Variants in SNTG1 observed in about 807,000 individuals in gnomAD.
The protein encoded by SNTG1 is syntrophin gamma 1, also known as gamma-1-syntrophin.
A neutral mutation model predicts 74.7 loss-of-function variants in SNTG1; 39 were observed. The ratio of observed to expected loss-of-function variants is 0.52; its 90% CI spans 0.40 to 0.68. The LOEUF (loss-of-function observed/expected upper bound fraction) is 0.68, where lower values mean the gene tolerates loss of function less well. Ranked by LOEUF, SNTG1 falls within the 30% of genes least tolerant of loss-of-function variation. The pLI, the probability that SNTG1 is intolerant of heterozygous loss-of-function variation, is 0.00. For synonymous variants in SNTG1, 254 were observed against 217.1 expected (o/e 1.17, Z -1.49); for missense variants, 685 against 609.5 (o/e 1.12, Z -1.30).
intron 8 of SNTG1, among the ~76,000 whole-genome samples, chr8:50,496,220 CATT>C (rs1030853344): frequency 3.3e-5 from 5 of 152,246 alleles, no homozygotes; most frequent in African/African-American, 1.2e-4. Flanking sequence ...CGTTTTCCAT[CATT>C]GTTACTGGCG....
intron 1 of SNTG1, among the ~76,000 whole-genome samples, chr8:50,140,756 T>C (rs761177001): frequency 6.6e-6 from 1 of 152,218 alleles, no homozygotes; most frequent in Non-Finnish European, 1.5e-5. Flanking sequence ...GACATATCTA[T>C]CTTCATTCCT....
chr8:50,161,056 A>T (rs914202918), intron 1 of SNTG1, among the ~76,000 whole-genome samples: 3 of 152,202 alleles, frequency 2.0e-5, no homozygotes, highest in Non-Finnish European at 4.4e-5. Context: ...TTTAATGTCA[A>T]GACTTATAGA....
chr8:50,348,046 A>C (rs1403985705), intron 2 of SNTG1, among the ~76,000 whole-genome samples: 5 of 152,204 alleles, frequency 3.3e-5, no homozygotes, highest in African/African-American at 1.2e-4. Context: ...TGATGCAGTT[A>C]ATTGCTCTGA....
chr8:50,630,781 T>C lies in SNTG1; in HGVS notation c.850-26128T>C, dbSNP rs543360806. On this transcript the variant is annotated intron_variant, in intron 13 of 18. Transcript: ENST00000642720. ...TGAATTTTCTTTATTTATGTGCAAG[T>C]GAAGGACAACTGTCAAACAGCACTC... 7.2e-5 allele frequency among the ~76,000 whole-genome samples: 11 copies of C among 152,306 alleles called. No individual in the cohort carries two copies. In the East Asian group the frequency reaches 1.9e-3, roughly 27 times the overall value.
intron 2 of SNTG1, among the ~76,000 whole-genome samples, chr8:50,331,327 T>C (rs752643400): frequency 6.6e-6 from 1 of 152,174 alleles, no homozygotes; most frequent in Non-Finnish European, 1.5e-5. Flanking sequence ...TGATTTTGAC[T>C]GAGGGAATCA....
At chr8:50,652,725 A>G (rs994679393) in intron 13 of SNTG1, among the ~76,000 whole-genome samples, 4 of 152,092 alleles carry the variant, frequency 2.6e-5, no homozygotes, top group Admixed American at 6.6e-5. Context: ...TGAACCCAGG[A>G]GGTGGAGGTT....
intron 1 of SNTG1, among the ~76,000 whole-genome samples, chr8:50,035,204 C>T (rs1818050020): frequency 6.6e-6 from 1 of 152,198 alleles, no homozygotes; most frequent in Non-Finnish European, 1.5e-5. Flanking sequence ...TGCAGTGTTT[C>T]CTCCTGGGTG....
rs1341830644 is a variant in SNTG1, at chr8:50,311,093, C to A, written c.-27-83119C>A. ...TGATTCTTTCTAAAAATATTATGAG[C>A]CTTCCTATCAACTTAAAATTACTGT... On this transcript the variant is annotated intron_variant, in intron 2 of 18. Coordinates refer to ENST00000642720, the MANE Select transcript of SNTG1 (RefSeq NM_018967.5). Among the ~76,000 whole-genome samples the A allele has an allele frequency of 2.0e-5, 3 of 152,156 alleles. 1 individual carries two copies. The highest frequency in any genetic ancestry group is 7.2e-5 in the African/African-American group (3 of 41,438).
At chr8:50,303,658 A>T (rs2130690124) in intron 2 of SNTG1, among the ~76,000 whole-genome samples, 1 of 152,106 alleles carries the variant, frequency 6.6e-6, no homozygotes, top group Non-Finnish European at 1.5e-5. Context: ...CTTCTGCAAA[A>T]GTCTTTTTGG....
At chr8:50,570,322 G>C (rs1415336630) in intron 12 of SNTG1, among the ~76,000 whole-genome samples, 2 of 121,466 alleles carry the variant, frequency 1.6e-5, no homozygotes, top group Admixed American at 1.8e-4. Context: ...ACAGTGGTGC[G>C]ATCTCGGTTC....
At chr8:50,749,819 A>C (rs745908359) in intron 17 of SNTG1, among the ~76,000 whole-genome samples, 43 of 152,058 alleles carry the variant, frequency 2.8e-4, no homozygotes, top group Admixed American at 3.3e-4. Context: ...AATACGGCTC[A>C]CTAAAAATGT....
At chr8:50,549,996 C>T (rs538897739) in intron 11 of SNTG1, among the ~76,000 whole-genome samples, 64 of 152,268 alleles carry the variant, frequency 4.2e-4, no homozygotes, top group African/African-American at 1.4e-3. Context: ...TCATCAAATC[C>T]TTATTAAATC....
chr8:49,916,194 CA>C, intron 1 of SNTG1, among the ~76,000 whole-genome samples: 1 of 360 alleles, frequency 2.8e-3, no homozygotes, highest in Non-Finnish European at 0.031. Flanking sequence ...TTGTCAAATA[CA>C]CACACACACA....
chr8:49,949,466 G>A (rs2385696), intron 1 of SNTG1, among the ~76,000 whole-genome samples: 15,135 of 151,930 alleles, frequency 0.1, 1,069 homozygotes, highest in South Asian at 0.2. Flanking sequence ...TAGACATGAA[G>A]CTCACTTCCT....
At chr8:49,927,660 A>C (rs1200389126) in intron 1 of SNTG1, among the ~76,000 whole-genome samples, 1 of 152,158 alleles carries the variant, frequency 6.6e-6, no homozygotes, top group African/African-American at 2.4e-5. Flanking sequence ...ATAATAAATT[A>C]TTGATTGCCA....
intron 18 of SNTG1, among the ~76,000 whole-genome samples, chr8:50,790,192 A>T (rs1329699882): frequency 6.6e-6 from 1 of 151,858 alleles, no homozygotes; most frequent in Non-Finnish European, 1.5e-5. Context: ...TTCTGCCCTT[A>T]GTCACATTTT....
intron 13 of SNTG1, among the ~76,000 whole-genome samples, chr8:50,624,608 C>T (rs981012731): frequency 6.6e-6 from 1 of 152,098 alleles, no homozygotes; most frequent in Non-Finnish European, 1.5e-5. Context: ...TAGTCTGAGG[C>T]AGTATTGACA....
chr8:50,785,419 A>G (rs1426141957), intron 18 of SNTG1, among the ~76,000 whole-genome samples: 1 of 152,014 alleles, frequency 6.6e-6, no homozygotes, highest in Non-Finnish European at 1.5e-5. Context: ...TACATAATTT[A>G]ATGAAGTGTG....
intron 2 of SNTG1, among the ~76,000 whole-genome samples, chr8:50,360,750 T>C (rs1200013468): frequency 6.6e-6 from 1 of 152,114 alleles, no homozygotes; most frequent in Non-Finnish European, 1.5e-5. Context: ...ACAGTAAAAG[T>C]ATGGCATAAA....
Sources: gnomAD v4.1 joint callset for allele counts (sites outside exome capture counted in the v4.1 genomes callset) on GRCh38, gnomAD v4.1.1 for gene constraint, MANE v1.5 for transcripts, NCBI Gene and HGNC (gene_info 2026-07-23, HGNC 2026-07-21) for gene names.